The following UNC5D variants were observed in gnomAD, a reference collection of about 807,000 sequenced individuals.
UNC5D encodes the protein netrin receptor UNC5D.
In UNC5D, 39 loss-of-function variants were observed where a neutral mutation model predicts 105.4. That is an observed-to-expected ratio of 0.37 (90% confidence interval 0.29 to 0.48). UNC5D has a LOEUF of 0.48. Ranked by LOEUF, UNC5D falls within the 20% of genes least tolerant of loss-of-function variation. The probability of loss-of-function intolerance (pLI) is 0.98; values close to 1 mark genes in which losing one functional copy is unlikely to be tolerated. For synonymous variants in UNC5D, 452 were observed against 450.4 expected, an observed-to-expected ratio of 1.00 and a Z score of -0.04; for missense variants, 991 against 1,202.4, an observed-to-expected ratio of 0.82 and a Z score of 2.60.
In UNC5D at chr8:35,247,536, GTATAAAATA is replaced by G. The variant is rs1468245437; in HGVS notation, c.103+11663_103+11671del. Among the ~76,000 whole-genome samples the G allele has an allele frequency of 1.4e-4, 16 of 114,026 alleles. 1 individual carries two copies. The highest frequency in any genetic ancestry group is 9.4e-4 in the East Asian group (4 of 4,250). 74.8% of individuals were successfully genotyped at this position (114,026 alleles called of 152,430 possible). On this transcript the variant is annotated intron_variant, in intron 1 of 16. Transcript: ENST00000404895. Reference sequence around the variant, plus strand: ...TCTCTCTCTCTCTATATATATATATGTATAAAATATATAAAATATATATAATATATAAAT... The same window carrying G: ...TCTCTCTCTCTCTATATATATATATGTATAAAATATATATAATATATAAAT...
intron 9 of UNC5D, among the ~76,000 whole-genome samples, chr8:35,725,687 A>G (rs1828820874): frequency 6.6e-6 from 1 of 152,174 alleles, no homozygotes; most frequent in African/African-American, 2.4e-5. Flanking sequence ...AGCTTCTGTT[A>G]TAAACAGCAC....
intron 1 of UNC5D, among the ~76,000 whole-genome samples, chr8:35,427,411 A>G (rs1186362266): frequency 6.6e-6 from 1 of 152,198 alleles, no homozygotes; most frequent in African/African-American, 2.4e-5. Context: ...GGGTCCCGAG[A>G]TTTTCAGACT....
rs35368800 is a variant in UNC5D at position 35,665,958 on chromosome 8, C to CT, written c.571-17576dup. On this transcript the variant is annotated intron_variant, in intron 4 of 16. Coordinates refer to ENST00000404895, the MANE Select transcript of UNC5D (RefSeq NM_080872.4). ...ATATTTAATTCCAAACTTGGTTATA[C>CT]TTTTTTTTTTTTTGACAATTTTGAT... 2.1e-3 allele frequency among the ~76,000 whole-genome samples: 301 copies of CT among 142,064 alleles called. 2 individuals are homozygous for CT. Among genetic ancestry groups the CT allele is most frequent in the Middle Eastern group, 3.8e-3 (1 of 262 alleles). 93.2% of individuals were successfully genotyped at this position (142,064 alleles called of 152,430 possible). A position where few individuals can be genotyped will look rare whatever the true frequency, so the allele number is the denominator to read the frequency against.
chr8:35,602,057 A>T (rs990065745), intron 4 of UNC5D, among the ~76,000 whole-genome samples: 1 of 152,058 alleles, frequency 6.6e-6, no homozygotes, highest in Non-Finnish European at 1.5e-5. Context: ...TGAGATCATC[A>T]TGTGGTTTTT....
At chr8:35,298,282 T>C (rs1193155359) in intron 1 of UNC5D, among the ~76,000 whole-genome samples, 1 of 152,172 alleles carries the variant, frequency 6.6e-6, no homozygotes, top group Non-Finnish European at 1.5e-5. Context: ...CACTCCAGTT[T>C]TCTCCCACTC....
chr8:35,477,316 GA>G (rs1810174357), intron 1 of UNC5D, among the ~76,000 whole-genome samples: 1 of 151,726 alleles, frequency 6.6e-6, no homozygotes, highest in Non-Finnish European at 1.5e-5. Flanking sequence ...ATAAGGCTGA[GA>G]CTCATAGTAT....
chr8:35,722,538 A>T lies in UNC5D; in HGVS notation c.1303+143A>T. The T allele has an allele frequency of 9.2e-6, 10 of 1,091,642 alleles. No individual in the cohort carries two copies. In the South Asian group the frequency reaches 1.8e-4, roughly 20 times the overall value. The allele number at this position is 1,091,642 out of a possible 1,614,324, so 67.6% of individuals were successfully genotyped here. ...CCAAATTGTCTTCACACATGAACAG[A>T]CCGGGCTGGGTGAAGTGGTCTGCTT... On this transcript the variant is annotated intron_variant, in intron 9 of 16. Coordinates refer to ENST00000404895, the MANE Select transcript of UNC5D (RefSeq NM_080872.4).
intron 1 of UNC5D, chr8:35,254,447 A>G (rs965318264): frequency 3.3e-5 from 5 of 152,214 alleles, no homozygotes; most frequent in African/African-American, 1.2e-4. Context: ...CTGAACTATT[A>G]AAATGCTGTC....
chr8:35,651,921 G>C (rs537672522), intron 4 of UNC5D, among the ~76,000 whole-genome samples: 2 of 152,256 alleles, frequency 1.3e-5, no homozygotes, highest in East Asian at 3.9e-4. Context: ...ACTTTGGTTT[G>C]TATCCAGGTT....
intron 4 of UNC5D, among the ~76,000 whole-genome samples, chr8:35,598,219 A>G (rs1194150706): frequency 5.3e-5 from 8 of 152,170 alleles, no homozygotes; most frequent in African/African-American, 1.7e-4. Context: ...TACTAGGTAT[A>G]TACTTTCTTT....
chr8:35,454,605 A>G, intron 1 of UNC5D, among the ~76,000 whole-genome samples: 1 of 152,178 alleles, frequency 6.6e-6, no homozygotes, highest in South Asian at 2.1e-4. Context: ...TTTCCCATAT[A>G]TATACCTTCC....
intron 1 of UNC5D, among the ~76,000 whole-genome samples, chr8:35,442,209 G>T (rs1262058107): frequency 6.6e-6 from 1 of 151,842 alleles, no homozygotes; most frequent in Non-Finnish European, 1.5e-5. Flanking sequence ...TTGAAGGTAG[G>T]TGAGAGTTAC....
chr8:35,529,986 T>C (rs953582056), intron 1 of UNC5D, among the ~76,000 whole-genome samples: 1 of 151,118 alleles, frequency 6.6e-6, no homozygotes, highest in East Asian at 2.0e-4. Flanking sequence ...TCATGTCATC[T>C]GCAAACAGGG....
intron 1 of UNC5D, among the ~76,000 whole-genome samples, chr8:35,428,166 G>A (rs956517889): frequency 1.3e-5 from 2 of 151,814 alleles, no homozygotes; most frequent in African/African-American, 4.8e-5. Context: ...GGTATGTCAG[G>A]TCATGTTTTT....
intron 11 of UNC5D, 36 bp from the exon 12 acceptor site, chr8:35,748,491 A>C: frequency 6.3e-7 from 1 of 1,598,618 alleles, no homozygotes; most frequent in Non-Finnish European, 8.5e-7. Flanking sequence ...CCTCCTCTAC[A>C]TACTTCTCTC....
At chr8:35,559,873 A>G (rs1484320756) in intron 2 of UNC5D, among the ~76,000 whole-genome samples, 1 of 152,188 alleles carries the variant, frequency 6.6e-6, no homozygotes, top group Non-Finnish European at 1.5e-5. Flanking sequence ...TATCTGATAA[A>G]TAAGGGGATT....
intron 1 of UNC5D, among the ~76,000 whole-genome samples, chr8:35,352,867 C>T (rs1329000760): frequency 6.6e-6 from 1 of 152,164 alleles, no homozygotes; most frequent in Admixed American, 6.5e-5. Context: ...CCCGCCTCGT[C>T]CTCCCAAAGT....
chr8:35,275,929 T>C (rs919755820), intron 1 of UNC5D, among the ~76,000 whole-genome samples: 2 of 152,220 alleles, frequency 1.3e-5, no homozygotes, highest in Non-Finnish European at 2.9e-5. Flanking sequence ...GGATTAGGGA[T>C]GTATGGCCAG....
chr8:35,526,306 C>A (rs551076912), intron 1 of UNC5D, among the ~76,000 whole-genome samples: 1 of 152,290 alleles, frequency 6.6e-6, no homozygotes, highest in South Asian at 2.1e-4. Flanking sequence ...GCAGCACACT[C>A]TCCAGAAAGC....
Sources: gnomAD v4.1 joint callset for allele counts (sites outside exome capture counted in the v4.1 genomes callset) on GRCh38, gnomAD v4.1.1 for gene constraint, MANE v1.5 for transcripts, NCBI Gene and HGNC (gene_info 2026-07-23, HGNC 2026-07-21) for gene names.